ASAH1: variants seen among roughly 807,000 people sequenced by gnomAD.
ASAH1 encodes the protein acid ceramidase.
A neutral mutation model predicts 59.5 loss-of-function variants in ASAH1; 70 were observed. The ratio of observed to expected loss-of-function variants is 1.18; its 90% CI spans 0.97 to 1.43. The LOEUF (loss-of-function observed/expected upper bound fraction) is 1.43. Ranked by LOEUF, ASAH1 falls within the 40% of genes most tolerant of loss-of-function variation. ASAH1 has a pLI of 0.00. For synonymous variants in ASAH1, 213 were observed against 166.5 expected (o/e 1.28, Z -2.15); for missense variants, 660 against 482.5 (o/e 1.37, Z -3.45).
At chr8:18,064,277 G>C in intron 6 of ASAH1, 180 bp downstream of exon 6, 2 of 630,950 alleles carry the variant, frequency 3.2e-6, no homozygotes, top group South Asian at 1.9e-5. Flanking sequence ...CAGTACAGTA[G>C]TCTGAAAATA....
At chr8:18,078,529 A>T (rs1441158136) in intron 1 of ASAH1, among the ~76,000 whole-genome samples, 4 of 152,208 alleles carry the variant, frequency 2.6e-5, no homozygotes, top group Admixed American at 6.5e-5. Flanking sequence ...CGTTTATGCA[A>T]AAAGGTTAGT....
chr8:18,059,238 A>C, intron 12 of ASAH1, 103 bp downstream of exon 12: 1 of 1,568,004 alleles, frequency 6.4e-7, no homozygotes, highest in Non-Finnish European at 8.7e-7. Flanking sequence ...TACTATGAAA[A>C]ATAGGACGTT....
At position 18,063,196 on chromosome 8, in the gene ASAH1, T is replaced by G; in HGVS notation, c.492A>C (p.Gly164=). ...HLIHGRNMDF[G]VFLGWNINND... ...TGTTCTTTACTTACCCAAGAAATAC[T>G]CCAAAATCCATGTTTCTCCCATGTA... Residue 164 remains glycine (G), a synonymous_variant, in exon 7 of 14, where the codon GGA becomes GGC. Transcript: ENST00000637790. 6.2e-7 allele frequency: 1 copy of G among 1,613,910 alleles called. No individual in the cohort carries two copies. The highest frequency in any genetic ancestry group is 8.5e-7 in the Non-Finnish European group (1 of 1,179,844).
Position 18,059,624 on chromosome 8 carries a change from C to A in ASAH1, c.865G>T (p.Gly289Trp). The A allele has an allele frequency of 6.2e-7, 1 of 1,614,184 alleles. No individual in the cohort carries two copies. Among genetic ancestry groups the A allele is most frequent in the Non-Finnish European group, 8.5e-7 (1 of 1,180,036 alleles). Reference protein sequence around the residue: ...AYFILGGNQSGEGCVITRDRK... With the variant: ...AYFILGGNQSWEGCVITRDRK... ...TCTCGTGTAATCACACAACCTTCCC[C>A]AGACTGGTTGCCTCCCAGGATAAAG... The change falls in exon 11 of 14, where the codon GGG becomes TGG. Residue 289 changes from glycine to tryptophan, a missense_variant. Transcript: ENST00000637790.
intron 12 of ASAH1, 108 bp downstream of exon 12, chr8:18,059,233 T>C (rs373918142): frequency 5.8e-6 from 9 of 1,554,742 alleles, no homozygotes; most frequent in South Asian, 3.4e-5. Context: ...AGAGATACTA[T>C]GAAAAATAGG....
intron 4 of ASAH1, chr8:18,068,247 T>C (rs1037967472): frequency 1.3e-5 from 2 of 152,192 alleles, no homozygotes; most frequent in African/African-American, 4.8e-5. Context: ...AAGGCTAGTA[T>C]GTGACTGATC....
chr8:18,069,940 G>C (rs1800091731), intron 3 of ASAH1, 62 bp from the exon 4 acceptor site: 2 of 1,221,866 alleles, frequency 1.6e-6, no homozygotes, highest in Non-Finnish European at 2.4e-6. Context: ...ATTACCTTTT[G>C]GCTTACCCAT....
intron 7 of ASAH1, 185 bp from the exon 8 acceptor site, chr8:18,062,608 A>G: frequency 1.5e-6 from 1 of 658,538 alleles, no homozygotes; most frequent in South Asian, 1.9e-5. Flanking sequence ...GGTTCAGAGA[A>G]GTCAGGTAAC....
In ASAH1 at chr8:18,069,834, G is replaced by T; in HGVS notation, c.261C>A (p.Phe87Leu). ...VNSLKNMINT[F>L]VPSGKIMQVV... ...CCTGCATAATTTTTCCACTTGGCACGAATGTATTTATCATATTCTTCAGAG... is the reference window on the plus strand; with the variant it reads ...CCTGCATAATTTTTCCACTTGGCACTAATGTATTTATCATATTCTTCAGAG... The change falls in exon 4 of 14, where the codon TTC (phenylalanine) becomes TTA (leucine). Residue 87 changes from phenylalanine to leucine, a missense_variant. Physicochemically the swap from Phe to Leu is conservative, Grantham distance 22. Transcript: ENST00000637790. The T allele has an allele frequency of 1.3e-6, 2 of 1,591,434 alleles. No individual in the cohort carries two copies. The highest frequency in any genetic ancestry group is 1.3e-5 in the African/African-American group (1 of 74,794).
chr8:18,068,847 C>T (rs1297599167), intron 4 of ASAH1, among the ~76,000 whole-genome samples: 1 of 152,166 alleles, frequency 6.6e-6, no homozygotes, highest in Non-Finnish European at 1.5e-5. Context: ...CAACCCAGGC[C>T]GGGCATGGCG....
At chr8:18,075,481 A>C in intron 2 of ASAH1, 60 bp downstream of exon 2, 1 of 1,513,498 alleles carries the variant, frequency 6.6e-7, no homozygotes, top group Non-Finnish European at 9.2e-7. Flanking sequence ...AGCAATTATT[A>C]CATACAGAAA....
chr8:18,059,954 T>C, intron 10 of ASAH1: 1 of 397,670 alleles, frequency 2.5e-6, no homozygotes, highest in Non-Finnish European at 4.7e-6. Context: ...TGACAGGCCC[T>C]GGTGCGTGAT....
chr8:18,080,708 C>A (rs1417160221), intron 1 of ASAH1, among the ~76,000 whole-genome samples: 2 of 152,158 alleles, frequency 1.3e-5, no homozygotes, highest in Non-Finnish European at 2.9e-5. Context: ...CAGGCGTGAG[C>A]CACTATGCCC....
intron 11 of ASAH1, 21 bp from the exon 12 acceptor site, chr8:18,059,485 T>A (rs779310797): frequency 1.4e-5 from 23 of 1,614,070 alleles, no homozygotes; most frequent in Non-Finnish European, 1.9e-5. Context: ...AAGGAGAGAT[T>A]CCCTCTTAGG....
intron 4 of ASAH1, among the ~76,000 whole-genome samples, chr8:18,069,173 C>T (rs1038094599): frequency 1.3e-5 from 2 of 150,846 alleles, no homozygotes; most frequent in African/African-American, 2.4e-5. Context: ...CTGCCCAACC[C>T]CAAATGTCAT....
chr8:18,077,064 T>G (rs184853508), intron 1 of ASAH1, among the ~76,000 whole-genome samples: 1 of 151,912 alleles, frequency 6.6e-6, no homozygotes, highest in Non-Finnish European at 1.5e-5. Context: ...CAGTCTCAAC[T>G]GTGAACTCAA....
chr8:18,061,558 G>T (rs866220612), intron 9 of ASAH1, 100 bp from the exon 10 acceptor site: 2 of 1,440,648 alleles, frequency 1.4e-6, no homozygotes. Context: ...TCAGGAACCA[G>T]AAGAGGTTAG....
chr8:18,062,148 C>T (rs1353704426), intron 8 of ASAH1, 131 bp downstream of exon 8: 3 of 1,240,112 alleles, frequency 2.4e-6, no homozygotes, highest in Admixed American at 3.6e-5. Flanking sequence ...TATGAAGTGA[C>T]AAGAAGTACA....
At chr8:18,075,818 A>C in intron 1 of ASAH1, 1 of 561,450 alleles carries the variant, frequency 1.8e-6, no homozygotes, top group Non-Finnish European at 3.2e-6. Context: ...AGGTGTTATA[A>C]TTTGGCTCTA....
Sources: gnomAD v4.1 joint callset for allele counts (sites outside exome capture counted in the v4.1 genomes callset) on GRCh38, gnomAD v4.1.1 for gene constraint, MANE v1.5 for transcripts, NCBI Gene and HGNC (gene_info 2026-07-23, HGNC 2026-07-21) for gene names.